CLASP2: variants seen among roughly 807,000 people sequenced by gnomAD.
CLASP2 encodes cytoplasmic linker associated protein 2.
Under a neutral mutation model 194.4 loss-of-function variants are expected in CLASP2, and 47 were observed. That is an observed-to-expected ratio of 0.24 (90% CI 0.19 to 0.31). The LOEUF (loss-of-function observed/expected upper bound fraction) is 0.31, where lower values mean the gene tolerates loss of function less well. Ranked by LOEUF, CLASP2 falls within the 10% of genes least tolerant of loss-of-function variation. The pLI, the probability that CLASP2 is intolerant of heterozygous loss-of-function variation, is 1.00. For missense variants in CLASP2, 1,445 were observed against 1,823.6 expected (o/e 0.79, Z 3.78); for synonymous variants, 619 against 633.5 (o/e 0.98, Z 0.34).
At chr3:33,560,560 G>T (rs907075218) in intron 28 of CLASP2, among the ~76,000 whole-genome samples, 2 of 151,882 alleles carry the variant, frequency 1.3e-5, no homozygotes, top group African/African-American at 4.8e-5. Flanking sequence ...CATCAATTAA[G>T]ATAAAATACC....
intron 6 of CLASP2, among the ~76,000 whole-genome samples, chr3:33,680,582 G>A (rs1246831990): frequency 6.6e-6 from 1 of 152,208 alleles, no homozygotes; most frequent in African/African-American, 2.4e-5. Context: ...GCTGAGGCAG[G>A]AGAACTGCTT....
chr3:33,602,459 A>C (rs1577049849), intron 18 of CLASP2: 1 of 706,160 alleles, frequency 1.4e-6, no homozygotes, highest in East Asian at 2.6e-5. Flanking sequence ...AACCAACGTC[A>C]ACTTTTTAAT....
chr3:33,600,978 A>ATTTT (rs2071961495), intron 18 of CLASP2, among the ~76,000 whole-genome samples: 1 of 41,438 alleles, frequency 2.4e-5, no homozygotes, highest in Non-Finnish European at 4.4e-5. Flanking sequence ...TTTTTTTTTG[A>ATTTT]GGCGGAGTCT....
At chr3:33,604,254 C>T in intron 16 of CLASP2, 45 bp from the exon 17 acceptor site, 3 of 1,261,670 alleles carry the variant, frequency 2.4e-6, no homozygotes, top group Admixed American at 2.1e-5. Flanking sequence ...CAATTTAACA[C>T]TCCTCTGATA....
At chr3:33,548,842 A>T (rs755070215) in intron 30 of CLASP2, among the ~76,000 whole-genome samples, 1 of 138,004 alleles carries the variant, frequency 7.2e-6, no homozygotes, top group Non-Finnish European at 1.5e-5. Context: ...ATCATAGCTC[A>T]CTGCACCCTT....
intron 34 of CLASP2, among the ~76,000 whole-genome samples, chr3:33,529,926 C>T (rs573509016): frequency 1.5e-5 from 2 of 133,606 alleles, no homozygotes; most frequent in South Asian, 2.4e-4. Flanking sequence ...TGCAGTGAGC[C>T]GAGATTGCGC....
intron 7 of CLASP2, among the ~76,000 whole-genome samples, chr3:33,654,372 T>C (rs751170835): frequency 2.6e-5 from 4 of 152,170 alleles, no homozygotes; most frequent in South Asian, 2.1e-4. Flanking sequence ...ATTTAAACTT[T>C]TGTTTGTCAA....
intron 34 of CLASP2, among the ~76,000 whole-genome samples, chr3:33,521,279 T>G (rs939962299): frequency 6.6e-6 from 1 of 152,124 alleles, no homozygotes; most frequent in Non-Finnish European, 1.5e-5. Flanking sequence ...ATATGTAACC[T>G]GTTTAAAAAT....
rs531713238 is a variant in CLASP2, at chr3:33,577,688, A to G, written c.2348-1413T>C. Among the ~76,000 whole-genome samples, 4 of 152,316 alleles carry G rather than the reference A, an allele frequency of 2.6e-5. No homozygotes were observed. In the South Asian group the frequency reaches 8.3e-4, roughly 32 times the overall value. On this transcript the variant is annotated intron_variant, in intron 23 of 38. Coordinates refer to ENST00000682230, the MANE Select transcript of CLASP2 (RefSeq NM_001365631.1). Reference sequence around the variant, plus strand: ...ATGGTCTAACTGACTGACCTTCTACAACACCTGCTTCATTCATATGTAGAA... The same window carrying G: ...ATGGTCTAACTGACTGACCTTCTACGACACCTGCTTCATTCATATGTAGAA...
At chr3:33,543,724 G>C (rs934660568) in intron 31 of CLASP2, among the ~76,000 whole-genome samples, 185 bp from the exon 32 acceptor site, 1 of 152,180 alleles carries the variant, frequency 6.6e-6, no homozygotes, top group African/African-American at 2.4e-5. Flanking sequence ...ACTTAGGAAT[G>C]TAACTCTTTA....
intron 6 of CLASP2, among the ~76,000 whole-genome samples, chr3:33,682,301 A>T (rs939176709): frequency 1.3e-5 from 2 of 152,162 alleles, no homozygotes; most frequent in South Asian, 2.1e-4. Flanking sequence ...CTGACAAAAA[A>T]TTTTTTCTTT....
chr3:33,648,542 A>G (rs1396273253), intron 7 of CLASP2, among the ~76,000 whole-genome samples: 1 of 152,208 alleles, frequency 6.6e-6, no homozygotes, highest in East Asian at 1.9e-4. Context: ...GAAACATAGG[A>G]AGAAATAAAA....
chr3:33,570,094 C>T (rs1227933000), intron 26 of CLASP2, among the ~76,000 whole-genome samples: 3 of 152,076 alleles, frequency 2.0e-5, no homozygotes, highest in African/African-American at 7.2e-5. Flanking sequence ...GAATATGTGA[C>T]CACAGTTTTA....
intron 21 of CLASP2, among the ~76,000 whole-genome samples, 200 bp from the exon 22 acceptor site, chr3:33,585,120 C>A (rs1245512995): frequency 1.3e-5 from 2 of 152,034 alleles, no homozygotes; most frequent in African/African-American, 4.8e-5. Context: ...TATATGAGCA[C>A]TAAATGGTAA....
chr3:33,542,515 T>C (rs528950534), intron 32 of CLASP2, among the ~76,000 whole-genome samples: 46 of 149,670 alleles, frequency 3.1e-4, no homozygotes, highest in African/African-American at 1.0e-3. Context: ...AATAAATATA[T>C]ATGAATATAA....
rs572936678 is a variant in CLASP2, at chr3:33,599,408, G to A, written c.1925-2674C>T. Among the ~76,000 whole-genome samples the A allele has an allele frequency of 7.2e-4, 110 of 152,226 alleles. 1 individual carries two copies. The highest frequency in any genetic ancestry group is 2.3e-3 in the African/African-American group (95 of 41,536). On this transcript the variant is annotated intron_variant, in intron 18 of 38. Transcript: ENST00000682230. Reference sequence around the variant, plus strand: ...AAAGTGCTGGGTTTACAGGTGTTGAGTCACTGTGCCGGCCTCTCTGCCAAG... The same window carrying A: ...AAAGTGCTGGGTTTACAGGTGTTGAATCACTGTGCCGGCCTCTCTGCCAAG...
At chr3:33,647,282 T>C (rs974517082) in intron 7 of CLASP2, among the ~76,000 whole-genome samples, 1 of 152,160 alleles carries the variant, frequency 6.6e-6, no homozygotes, top group African/African-American at 2.4e-5. Flanking sequence ...CAAAGATGCA[T>C]AGTAATATCT....
chr3:33,666,851 A>G (rs1250424732), intron 6 of CLASP2, among the ~76,000 whole-genome samples: 1 of 152,198 alleles, frequency 6.6e-6, no homozygotes, highest in East Asian at 1.9e-4. Flanking sequence ...CAATTGCTCT[A>G]CATCCTCATC....
At chr3:33,610,111 C>T (rs2074823576) in intron 13 of CLASP2, among the ~76,000 whole-genome samples, 1 of 152,196 alleles carries the variant, frequency 6.6e-6, no homozygotes, top group Admixed American at 6.5e-5. Context: ...AGTTCTAGTT[C>T]AGACTCTGCT....
Sources: gnomAD v4.1 joint callset for allele counts (sites outside exome capture counted in the v4.1 genomes callset) on GRCh38, gnomAD v4.1.1 for gene constraint, MANE v1.5 for transcripts, NCBI Gene and HGNC (gene_info 2026-07-23, HGNC 2026-07-21) for gene names.